The following RPH3A variants were observed in gnomAD, a reference collection of about 807,000 sequenced individuals.
RPH3A encodes rabphilin 3A.
RPH3A carries 48 observed loss-of-function variants against 102.2 expected under a neutral mutation model. That is an observed-to-expected ratio of 0.47 (90% CI 0.37 to 0.60). The LOEUF is 0.60. Among genes scored for constraint, RPH3A ranks in the 20% least tolerant of loss-of-function variants. The pLI, the probability that RPH3A is intolerant of heterozygous loss-of-function variation, is 0.00. For synonymous variants in RPH3A, 310 were observed against 324.3 expected (o/e 0.96, Z 0.47); for missense variants, 781 against 910.1 (o/e 0.86, Z 1.83).
chr12:112,804,326 G>A (rs1001071279), intron 2 of RPH3A, among the ~76,000 whole-genome samples: 3 of 152,134 alleles, frequency 2.0e-5, no homozygotes, highest in Admixed American at 6.5e-5. Flanking sequence ...GATCCTTCCC[G>A]GTGGATCCCA....
At chr12:112,613,300 G>T (rs1414330070) in intron 1 of RPH3A, among the ~76,000 whole-genome samples, 1 of 151,980 alleles carries the variant, frequency 6.6e-6, no homozygotes, top group Non-Finnish European at 1.5e-5. Context: ...TGGTTGGAGA[G>T]ACCAGGTCGT....
intron 2 of RPH3A, among the ~76,000 whole-genome samples, chr12:112,792,869 G>A (rs948056358): frequency 1.3e-5 from 2 of 152,232 alleles, no homozygotes; most frequent in Non-Finnish European, 2.9e-5. Context: ...CTATGCCTGG[G>A]ATGAGTGGTC....
In RPH3A at chr12:112,898,852, C is replaced by T. The variant is rs773694544; in HGVS notation, c.*2072C>T. ...AGCATCTTTCTTTGTGATGATGTAG[C>T]CAAAAATAAAGTAGGAGCATCCAAG... On this transcript the variant is annotated 3_prime_UTR_variant, in exon 22 of 22. Transcript: ENST00000389385. 6.6e-6 allele frequency: 1 copy of T among 152,246 alleles called. No individual in the cohort carries two copies. Among genetic ancestry groups the T allele is most frequent in the Non-Finnish European group, 1.5e-5 (1 of 68,060 alleles). 9.4% of individuals were successfully genotyped at this position (152,246 alleles called of 1,614,324 possible). A position where few individuals can be genotyped will look rare whatever the true frequency, so the allele number is the denominator to read the frequency against.
chr12:112,798,705 T>G (rs12823894), intron 2 of RPH3A, among the ~76,000 whole-genome samples: 3 of 152,102 alleles, frequency 2.0e-5, no homozygotes. Flanking sequence ...GTCACTGTGG[T>G]GCTAAGCCCC....
chr12:112,780,651 GTGTTTT>G (rs2041001633), intron 1 of RPH3A, among the ~76,000 whole-genome samples: 2 of 152,158 alleles, frequency 1.3e-5, no homozygotes, highest in African/African-American at 2.4e-5. Context: ...GCCGTTTCAT[GTGTTTT>G]AATCCTGTTT....
At chr12:112,598,518 T>C (rs1445827754) in intron 1 of RPH3A, among the ~76,000 whole-genome samples, 2 of 152,212 alleles carry the variant, frequency 1.3e-5, no homozygotes, top group African/African-American at 4.8e-5. Flanking sequence ...TGAGTTTGGC[T>C]GGTCTGAGTC....
intron 4 of RPH3A, chr12:112,841,994 C>T (rs755540016): frequency 4.4e-6 from 2 of 456,082 alleles, no homozygotes; most frequent in South Asian, 3.1e-5. Flanking sequence ...GATTTGGACA[C>T]TGCTACTACC....
intron 1 of RPH3A, among the ~76,000 whole-genome samples, chr12:112,576,908 C>CTTTTTTTTTTTT (rs1491257403): frequency 1.1e-5 from 1 of 89,870 alleles, no homozygotes; most frequent in African/African-American, 6.2e-5. Flanking sequence ...TTCTTTTCTT[C>CTTTTTTTTTTTT]CTTTTTTTTT....
At chr12:112,678,315 G>A (rs1201274026) in intron 1 of RPH3A, among the ~76,000 whole-genome samples, 1,754 of 115,946 alleles carry the variant, frequency 0.015, 374 homozygotes, top group African/African-American at 0.059. Flanking sequence ...GAGAGAGAGA[G>A]AGAAAGAAAG....
intron 19 of RPH3A, among the ~76,000 whole-genome samples, chr12:112,892,675 G>A (rs368123910): frequency 1.1e-4 from 17 of 152,360 alleles, no homozygotes; most frequent in East Asian, 9.6e-4. Context: ...ACTGGAGAAT[G>A]CAGGCTGAGA....
chr12:112,718,637 C>A lies in RPH3A; in HGVS notation c.-139-73506C>A, dbSNP rs140829940. On this transcript the variant is annotated intron_variant, in intron 1 of 21. Coordinates refer to the RPH3A transcript ENST00000543106. ...CTGCGCGTTGCTGAGGGGAGTAGAT[C>A]GTCTACTGGCCATGTTGGGGCAGAA... 2.3e-3 allele frequency among the ~76,000 whole-genome samples: 356 copies of A among 152,260 alleles called. 1 individual carries two copies. The highest frequency in any genetic ancestry group is 8.1e-3 in the African/African-American group (337 of 41,550).
chr12:112,763,570 G>T (rs2040868701), intron 1 of RPH3A, among the ~76,000 whole-genome samples: 1 of 152,332 alleles, frequency 6.6e-6, no homozygotes, highest in East Asian at 1.9e-4. Flanking sequence ...TCAATAGAAA[G>T]AAATGTCTGG....
intron 1 of RPH3A, among the ~76,000 whole-genome samples, chr12:112,684,460 G>A (rs1360507731): frequency 1.3e-5 from 2 of 151,872 alleles, no homozygotes; most frequent in Middle Eastern, 3.2e-3. Context: ...TAGAGACAGG[G>A]TTATGCCATG....
rs1031651370 is a variant in RPH3A at position 112,880,323 on chromosome 12, G to A, written c.1251+1125G>A. Among the ~76,000 whole-genome samples the A allele has an allele frequency of 3.3e-5, 5 of 152,276 alleles. 1 individual carries two copies. The South Asian group carries it at 1.0e-3, about 32-fold the overall frequency. ...CACCTATTTATTATCACTGTGGCAAGCACTTAGAAGCACTTAACACTGCCC... is the reference window on the plus strand; with the variant it reads ...CACCTATTTATTATCACTGTGGCAAACACTTAGAAGCACTTAACACTGCCC... On this transcript the variant is annotated intron_variant, in intron 14 of 21. Coordinates refer to ENST00000389385, the MANE Select transcript of RPH3A (RefSeq NM_001143854.2).
chr12:112,653,878 C>A (rs912621263), intron 1 of RPH3A, among the ~76,000 whole-genome samples: 4 of 152,102 alleles, frequency 2.6e-5, no homozygotes, highest in Non-Finnish European at 5.9e-5. Context: ...ATTTTAAGAA[C>A]TTTTTATTTT....
chr12:112,650,700 T>C (rs1403188758), intron 1 of RPH3A: 2 of 152,170 alleles, frequency 1.3e-5, no homozygotes, highest in African/African-American at 4.8e-5. Context: ...AATAAATATT[T>C]ATTGAATGAA....
chr12:112,736,317 A>C (rs931278635), intron 1 of RPH3A, among the ~76,000 whole-genome samples: 4 of 152,194 alleles, frequency 2.6e-5, no homozygotes, highest in Non-Finnish European at 4.4e-5. Flanking sequence ...ACCATTGCTT[A>C]GCCAGTGTTT....
chr12:112,788,838 C>G (rs193263306), upstream of RPH3A, among the ~76,000 whole-genome samples: 486 of 152,244 alleles, frequency 3.2e-3, 2 homozygotes, highest in African/African-American at 0.01. Flanking sequence ...TCATTTCTCC[C>G]TGGGCTTCTT....
chr12:112,713,101 T>TTCTTCTTC, intron 1 of RPH3A, among the ~76,000 whole-genome samples: 1 of 135,570 alleles, frequency 7.4e-6, no homozygotes, highest in Admixed American at 8.6e-5. Flanking sequence ...CTTCTTCTTC[T>TTCTTCTTC]TTTATTTTTT....
Sources: allele counts gnomAD v4.1 joint callset (sites outside exome capture counted in the v4.1 genomes callset), GRCh38; gene constraint gnomAD v4.1.1; transcripts MANE v1.5; gene names NCBI Gene and HGNC (gene_info 2026-07-23, HGNC 2026-07-21).